The following GPA33 variants were observed in gnomAD, a reference collection of about 807,000 sequenced individuals.
The protein encoded by GPA33 is glycoprotein A33, also known as cell surface A33 antigen.
Under a neutral mutation model 35.6 loss-of-function variants are expected in GPA33, and 27 were observed. The ratio of observed to expected loss-of-function variants is 0.76; its 90% confidence interval spans 0.56 to 1.04. GPA33 has a LOEUF of 1.04. Among genes scored for constraint, GPA33 ranks in the 50% least tolerant of loss-of-function variants. The pLI is 0.00. For synonymous variants in GPA33, 176 were observed against 164.0 expected, an observed-to-expected ratio of 1.07 and a Z score of -0.56; for missense variants, 428 against 411.9, an observed-to-expected ratio of 1.04 and a Z score of -0.34.
intron 4 of GPA33, among the ~76,000 whole-genome samples, chr1:167,056,595 GTA>G (rs1242901305): frequency 6.0e-4 from 23 of 38,630 alleles, no homozygotes; most frequent in East Asian, 1.6e-3. Flanking sequence ...TGGTATGTGT[GTA>G]TGTGGTGTGT....
intron 3 of GPA33, among the ~76,000 whole-genome samples, chr1:167,066,794 C>T (rs1393132039): frequency 3.3e-5 from 5 of 152,224 alleles, no homozygotes; most frequent in East Asian, 1.9e-4. Flanking sequence ...ACTCCCGCTA[C>T]AGACGTCAGG....
At chr1:167,069,173 C>T (rs756204029) in intron 2 of GPA33, 35 bp from the exon 3 acceptor site, 1 of 1,478,514 alleles carries the variant, frequency 6.8e-7, no homozygotes, top group South Asian at 1.2e-5. Flanking sequence ...GGTCTTCACC[C>T]AAAGGCCCTT....
At position 167,088,104 on chromosome 1, in the gene GPA33, T is replaced by C. The variant is rs114875584; in HGVS notation, c.43+2141A>G. ...AGTGCAGTGCTTCCCTGCCCAGGTCTTAGCAGAATCAATTCCTCGGAAAGG... is the reference window on the plus strand; with the variant it reads ...AGTGCAGTGCTTCCCTGCCCAGGTCCTAGCAGAATCAATTCCTCGGAAAGG... On this transcript the variant is annotated intron_variant, in intron 1 of 6. Transcript: ENST00000367868. Among the ~76,000 whole-genome samples the C allele has an allele frequency of 6.1e-3, 926 of 152,294 alleles. 11 individuals are homozygous for C. The highest frequency in any genetic ancestry group is 0.021 in the African/African-American group (882 of 41,572).
At chr1:167,084,061 C>T (rs1318097603) in intron 1 of GPA33, among the ~76,000 whole-genome samples, 1 of 152,156 alleles carries the variant, frequency 6.6e-6, no homozygotes, top group Non-Finnish European at 1.5e-5. Context: ...GCCAGTGCAG[C>T]CAGAAATGTG....
At position 167,080,922 on chromosome 1, in the gene GPA33, C is replaced by T. The variant is rs983763728; in HGVS notation, c.44-7383G>A. 1.3e-4 allele frequency among the ~76,000 whole-genome samples: 20 copies of T among 152,218 alleles called. 1 individual carries two copies. Among genetic ancestry groups the T allele is most frequent in the African/African-American group, 4.3e-4 (18 of 41,530 alleles). On this transcript the variant is annotated intron_variant, in intron 1 of 6. Transcript: ENST00000367868. ...TGGGTAGGATTTAAAACCAGAGAAACTTGGTGGAAGAACCTATTCAATGAA... is the reference window on the plus strand; with the variant it reads ...TGGGTAGGATTTAAAACCAGAGAAATTTGGTGGAAGAACCTATTCAATGAA...
At chr1:167,075,451 C>T (rs1188662330) in intron 1 of GPA33, among the ~76,000 whole-genome samples, 1 of 152,108 alleles carries the variant, frequency 6.6e-6, no homozygotes, top group Non-Finnish European at 1.5e-5. Flanking sequence ...AAACAGGAGT[C>T]AGGAATAGAC....
intron 1 of GPA33, chr1:167,082,267 G>A (rs1666965106): frequency 2.2e-6 from 1 of 456,122 alleles, no homozygotes; most frequent in Non-Finnish European, 4.4e-6. Context: ...AGATCGTGGG[G>A]CAATCTGAGA....
chr1:167,072,066 G>A (rs955059060), intron 2 of GPA33, among the ~76,000 whole-genome samples: 3 of 152,126 alleles, frequency 2.0e-5, no homozygotes, highest in Admixed American at 1.3e-4. Context: ...TGGGACTCTG[G>A]GAGCAGTCGG....
intron 4 of GPA33, among the ~76,000 whole-genome samples, chr1:167,056,372 CA>C (rs1201899834): frequency 6.6e-6 from 1 of 151,898 alleles, no homozygotes; most frequent in Non-Finnish European, 1.5e-5. Context: ...CTTTGGAAAT[CA>C]AAAACTCTGA....
At chr1:167,064,178 G>A (rs538249164) in intron 3 of GPA33, among the ~76,000 whole-genome samples, 2 of 152,300 alleles carry the variant, frequency 1.3e-5, no homozygotes, top group Non-Finnish European at 2.9e-5. Context: ...CAGTTACTCA[G>A]GAGGCTGAAG....
intron 2 of GPA33, among the ~76,000 whole-genome samples, chr1:167,072,471 G>C (rs1016001461): frequency 1.3e-5 from 2 of 152,138 alleles, no homozygotes; most frequent in African/African-American, 4.8e-5. Flanking sequence ...CATTTAATGA[G>C]AAAAATTTGA....
intron 4 of GPA33, among the ~76,000 whole-genome samples, chr1:167,058,873 C>T (rs956019863): frequency 8.5e-5 from 13 of 152,198 alleles, no homozygotes; most frequent in African/African-American, 2.4e-4. Context: ...TTCATGCTCT[C>T]ATTTGCTAAA....
At chr1:167,060,697 G>A (rs1033227525) in intron 4 of GPA33, among the ~76,000 whole-genome samples, 1 of 152,208 alleles carries the variant, frequency 6.6e-6, no homozygotes, top group African/African-American at 2.4e-5. Flanking sequence ...TCCCTGTGGA[G>A]GCAGGAGAGA....
In GPA33 at chr1:167,055,730, G is replaced by A. The variant is rs752093533; in HGVS notation, c.691C>T (p.Pro231Ser). The change falls in exon 5 of 7, where the codon CCC becomes TCC. Residue 231 changes from proline to serine, a missense_variant and splice_region_variant. Transcript: ENST00000367868. Reference sequence around the variant, plus strand: ...CCCTCCCCCCGCAGGCTGCTCTTACGAGATCTGACGGCCACCGTGATGTTG... The same window carrying A: ...CCCTCCCCCCGCAGGCTGCTCTTACAAGATCTGACGGCCACCGTGATGTTG... ...FCNITVAVRSPSMNVALYVGI... is the reference protein window; with the variant it reads ...FCNITVAVRSSSMNVALYVGI... 1.1e-5 allele frequency: 17 copies of A among 1,613,812 alleles called. No individual in the cohort carries two copies. The highest frequency in any genetic ancestry group is 1.7e-4 in the Middle Eastern group (1 of 5,980).
chr1:167,079,605 G>A (rs937973814), intron 1 of GPA33, among the ~76,000 whole-genome samples: 3 of 152,152 alleles, frequency 2.0e-5, no homozygotes, highest in Non-Finnish European at 2.9e-5. Flanking sequence ...GTGCCCTGAG[G>A]CACACTTACA....
At chr1:167,084,613 TCCAG>T (rs1667016069) in intron 1 of GPA33, among the ~76,000 whole-genome samples, 1 of 152,180 alleles carries the variant, frequency 6.6e-6, no homozygotes, top group Non-Finnish European at 1.5e-5. Flanking sequence ...TACTCTTGAA[TCCAG>T]CCATCATGTT....
At chr1:167,063,549 G>T (rs367726896) in intron 4 of GPA33, 33 bp downstream of exon 4, 1 of 1,573,658 alleles carries the variant, frequency 6.4e-7, no homozygotes, top group African/African-American at 1.4e-5. Flanking sequence ...GCACTTTGAC[G>T]TGGGGAGCCC....
chr1:167,090,117 C>T lies in GPA33; in HGVS notation c.43+128G>A, dbSNP rs572696850. ...ACTGGTCCGGAATGTGTAATTCTGGCCCAGCAGGAACGCAGCTGTGTTGCT... is the reference window on the plus strand; with the variant it reads ...ACTGGTCCGGAATGTGTAATTCTGGTCCAGCAGGAACGCAGCTGTGTTGCT... On this transcript the variant is annotated intron_variant, in intron 1 of 6. Coordinates refer to ENST00000367868, the MANE Select transcript of GPA33 (RefSeq NM_005814.3). The T allele has an allele frequency of 1.7e-3, 1,175 of 709,328 alleles. 1 individual carries two copies. The highest frequency in any genetic ancestry group is 2.2e-3 in the Non-Finnish European group (844 of 391,616). The allele number at this position is 709,328 out of a possible 1,614,324, so 43.9% of individuals were successfully genotyped here.
At chr1:167,061,804 G>A (rs1471567552) in intron 4 of GPA33, among the ~76,000 whole-genome samples, 2 of 151,862 alleles carry the variant, frequency 1.3e-5, no homozygotes, top group African/African-American at 4.8e-5. Context: ...GGGTTTCACC[G>A]TGTTAGCCAG....
Sources: gnomAD v4.1 joint callset for allele counts (sites outside exome capture counted in the v4.1 genomes callset) on GRCh38, gnomAD v4.1.1 for gene constraint, MANE v1.5 for transcripts, NCBI Gene and HGNC (gene_info 2026-07-23, HGNC 2026-07-21) for gene names.